TENM2: variants seen among roughly 807,000 people sequenced by gnomAD.
TENM2 encodes teneurin-2.
In TENM2, 52 loss-of-function variants were observed where a neutral mutation model predicts 245.2. The ratio of observed to expected loss-of-function variants is 0.21; its 90% CI spans 0.17 to 0.27. The LOEUF (loss-of-function observed/expected upper bound fraction) is 0.27, where lower values mean the gene tolerates loss of function less well. Among genes scored for constraint, TENM2 ranks in the 10% least tolerant of loss-of-function variants. The pLI is 1.00. For missense variants in TENM2, 3,046 were observed against 3,666.8 expected, an observed-to-expected ratio of 0.83 and a Z score of 4.37; for synonymous variants, 1,363 against 1,438.9, an observed-to-expected ratio of 0.95 and a Z score of 1.19.
At chr5:167,704,957 C>A (rs1758405799) in intron 2 of TENM2, among the ~76,000 whole-genome samples, 1 of 152,084 alleles carries the variant, frequency 6.6e-6, no homozygotes, top group African/African-American at 2.4e-5. Context: ...TTCTTTATTT[C>A]TTGTCAGTCC....
At chr5:168,169,363 G>A (rs184693590) in intron 13 of TENM2, among the ~76,000 whole-genome samples, 2 of 152,226 alleles carry the variant, frequency 1.3e-5, no homozygotes, top group African/African-American at 4.8e-5. Context: ...TGCAAGGCTC[G>A]GTTCCTTGGT....
chr5:167,978,682 TG>T (rs1284696090), intron 4 of TENM2, among the ~76,000 whole-genome samples: 4 of 151,154 alleles, frequency 2.6e-5, no homozygotes, highest in Non-Finnish European at 5.9e-5. Context: ...TGAGGTTTTT[TG>T]GGGGGTGATG....
chr5:167,196,570 A>G, the TENM2 span, among the ~76,000 whole-genome samples: 2 of 150,526 alleles, frequency 1.3e-5, no homozygotes, highest in Non-Finnish European at 3.0e-5. Context: ...GTGTGTGTAT[A>G]TATATATATA....
chr5:168,155,407 G>A lies in TENM2; in HGVS notation c.2423-7204G>A, dbSNP rs929175778. On this transcript the variant is annotated intron_variant, in intron 12 of 28. Transcript: ENST00000518659. ...ATATTTAAAACAGTTGGTGAAAGGG[G>A]GGGGGGGTCCATAATTAAGTTAATA... 4.5e-4 allele frequency among the ~76,000 whole-genome samples: 68 copies of A among 149,936 alleles called. 1 individual carries two copies. The highest frequency in any genetic ancestry group is 1.6e-3 in the African/African-American group (64 of 39,890).
the TENM2 span, among the ~76,000 whole-genome samples, chr5:167,241,296 G>T: frequency 6.6e-6 from 1 of 152,136 alleles, no homozygotes; most frequent in African/African-American, 2.4e-5. Context: ...AGAAAAAAAA[G>T]TCTTGTTCCT....
intron 27 of TENM2, among the ~76,000 whole-genome samples, chr5:168,248,985 G>C (rs1216763855): frequency 6.6e-6 from 1 of 152,062 alleles, no homozygotes; most frequent in African/African-American, 2.4e-5. Context: ...CAGGTGTGGT[G>C]GTACATGCCT....
intron 12 of TENM2, among the ~76,000 whole-genome samples, chr5:168,159,109 A>C (rs1345894689): frequency 2.0e-5 from 3 of 151,304 alleles, no homozygotes; most frequent in Non-Finnish European, 4.4e-5. Flanking sequence ...GCGCCACTGC[A>C]CTCCAGCCTG....
chr5:167,562,578 G>T (rs1394342329), intron 2 of TENM2, among the ~76,000 whole-genome samples: 1 of 152,154 alleles, frequency 6.6e-6, no homozygotes, highest in Non-Finnish European at 1.5e-5. Flanking sequence ...CTGTGCCTTT[G>T]TAAGATGGAC....
At chr5:167,961,293 C>T (rs1348453700) in intron 4 of TENM2, among the ~76,000 whole-genome samples, 1 of 152,232 alleles carries the variant, frequency 6.6e-6, no homozygotes, top group Non-Finnish European at 1.5e-5. Flanking sequence ...CATTAATAAA[C>T]AGCTTTGCTG....
chr5:167,923,070 T>TGGCTGGGCTTGG (rs1405799007), intron 3 of TENM2, among the ~76,000 whole-genome samples: 2 of 152,222 alleles, frequency 1.3e-5, no homozygotes, highest in East Asian at 3.9e-4. Context: ...ATGTCTGTAA[T>TGGCTGGGCTTGG]CCCAGCACTT....
chr5:167,937,483 C>T (rs1350779645), intron 3 of TENM2, among the ~76,000 whole-genome samples: 2 of 152,154 alleles, frequency 1.3e-5, no homozygotes, highest in Non-Finnish European at 2.9e-5. Context: ...TGCATACCCA[C>T]CAGCAATGTG....
chr5:167,150,797 G>C, the TENM2 span, among the ~76,000 whole-genome samples: 14 of 152,098 alleles, frequency 9.2e-5, no homozygotes, highest in Admixed American at 9.2e-4. Context: ...TAACACAAAA[G>C]CTCATTCAAT....
At chr5:167,679,044 A>G (rs912439167) in intron 2 of TENM2, among the ~76,000 whole-genome samples, 1 of 152,104 alleles carries the variant, frequency 6.6e-6, no homozygotes, top group African/African-American at 2.4e-5. Context: ...AAACCCAAAC[A>G]CAAATGCACC....
At chr5:167,164,950 C>T in the TENM2 span, 8 of 152,018 alleles carry the variant, frequency 5.3e-5, no homozygotes, top group East Asian at 1.9e-4. Context: ...ATTAAAATCA[C>T]GATTATGTAT....
At position 168,168,437 on chromosome 5, in the gene TENM2, T is replaced by C. The variant is rs1009505863; in HGVS notation, c.2569+5680T>C. On this transcript the variant is annotated intron_variant, in intron 13 of 28. Transcript: ENST00000518659. ...GCTCACGCCCGTAATCCTAACACTT[T>C]GGGAGACCAAGGTGGGTGGATTACT... Among the ~76,000 whole-genome samples the C allele has an allele frequency of 2.0e-4, 30 of 152,230 alleles. 1 individual carries two copies. Among genetic ancestry groups the C allele is most frequent in the African/African-American group, 7.2e-4 (30 of 41,550 alleles).
At chr5:167,816,561 G>A (rs1304132855) in intron 2 of TENM2, among the ~76,000 whole-genome samples, 2 of 152,190 alleles carry the variant, frequency 1.3e-5, no homozygotes, top group Admixed American at 1.3e-4. Context: ...AGTTCCTCGG[G>A]TTGCTGTGTT....
chr5:167,887,003 A>G (rs1428818017), intron 3 of TENM2, among the ~76,000 whole-genome samples: 1 of 152,120 alleles, frequency 6.6e-6, no homozygotes, highest in Non-Finnish European at 1.5e-5. Context: ...CTTTTTCCCA[A>G]CACAGCTTAG....
At chr5:167,068,314 C>T in the TENM2 span, among the ~76,000 whole-genome samples, 21 of 152,304 alleles carry the variant, frequency 1.4e-4, no homozygotes, top group Admixed American at 5.2e-4. Flanking sequence ...CATAAATACA[C>T]AGGACATCTG....
intron 2 of TENM2, among the ~76,000 whole-genome samples, chr5:167,395,772 G>A (rs1762015695): frequency 1.3e-5 from 2 of 152,104 alleles, no homozygotes; most frequent in South Asian, 4.1e-4. Flanking sequence ...AAAAAATGAT[G>A]TGGTTATACA....
Sources: allele counts gnomAD v4.1 joint callset (sites outside exome capture counted in the v4.1 genomes callset), GRCh38; gene constraint gnomAD v4.1.1; transcripts MANE v1.5; gene names NCBI Gene and HGNC (gene_info 2026-07-23, HGNC 2026-07-21).